The following KCNH5 variants were observed in gnomAD, a reference collection of about 807,000 sequenced individuals.
KCNH5 encodes potassium voltage-gated channel subfamily H member 5, also known as voltage-gated delayed rectifier potassium channel KCNH5.
In KCNH5, 46 loss-of-function variants were observed where a neutral mutation model predicts 96.1. That is an observed-to-expected ratio of 0.48 (90% confidence interval 0.38 to 0.61). KCNH5 has a LOEUF of 0.61. Ranked by LOEUF, KCNH5 falls within the 20% of genes least tolerant of loss-of-function variation. The probability of loss-of-function intolerance (pLI) is 0.00; values close to 1 mark genes in which losing one functional copy is unlikely to be tolerated. For missense variants in KCNH5, 907 were observed against 1,225.8 expected, an observed-to-expected ratio of 0.74 and a Z score of 3.88; for synonymous variants, 439 against 449.8, an observed-to-expected ratio of 0.98 and a Z score of 0.30.
rs548896858 is a variant in KCNH5 at position 62,873,603 on chromosome 14, G to A, written c.1370-23751C>T. Among the ~76,000 whole-genome samples, 64 of 152,238 alleles carry A rather than the reference G, an allele frequency of 4.2e-4. No homozygotes were observed. The East Asian group carries it at 5.4e-3, about 13-fold the overall frequency. On this transcript the variant is annotated intron_variant, in intron 7 of 10. Coordinates refer to ENST00000322893, the MANE Select transcript of KCNH5 (RefSeq NM_139318.5). ...TATCTAATGCTTTGAATTATATAGC[G>A]TTTGAAGGCATTTAAGAAATCAAAC...
intron 7 of KCNH5, among the ~76,000 whole-genome samples, chr14:62,941,114 C>A (rs1398479518): frequency 6.6e-6 from 1 of 152,068 alleles, no homozygotes; most frequent in Non-Finnish European, 1.5e-5. Context: ...TCTTAAATAC[C>A]AATGTATACC....
chr14:62,736,766 C>T (rs757008146), intron 10 of KCNH5, among the ~76,000 whole-genome samples: 4 of 152,158 alleles, frequency 2.6e-5, no homozygotes, highest in African/African-American at 4.8e-5. Flanking sequence ...GCCAGAAGTC[C>T]GTCTCAGGTT....
chr14:62,992,758 T>G (rs778576228), intron 4 of KCNH5, among the ~76,000 whole-genome samples: 1 of 152,068 alleles, frequency 6.6e-6, no homozygotes, highest in Admixed American at 6.6e-5. Flanking sequence ...TCTTCCCTTC[T>G]TCAGGTCATC....
intron 9 of KCNH5, among the ~76,000 whole-genome samples, chr14:62,780,605 T>C (rs1404963607): frequency 1.3e-5 from 2 of 152,194 alleles, no homozygotes; most frequent in African/African-American, 4.8e-5. Flanking sequence ...TCATCAAATG[T>C]AGACGTCTTT....
At chr14:62,878,312 C>T (rs998872482) in intron 7 of KCNH5, among the ~76,000 whole-genome samples, 27 of 151,598 alleles carry the variant, frequency 1.8e-4, no homozygotes, top group Admixed American at 6.6e-5. Flanking sequence ...CTAACCTGCA[C>T]ATGGTGCACA....
At chr14:62,750,577 C>T (rs1378262530) in intron 10 of KCNH5, among the ~76,000 whole-genome samples, 3 of 152,148 alleles carry the variant, frequency 2.0e-5, no homozygotes, top group African/African-American at 7.2e-5. Context: ...TCCTTTTTGA[C>T]GTCCTCTGCA....
intron 7 of KCNH5, among the ~76,000 whole-genome samples, chr14:62,858,962 G>C (rs1025351852): frequency 6.6e-6 from 1 of 152,154 alleles, no homozygotes; most frequent in Non-Finnish European, 1.5e-5. Context: ...CCATGAACAT[G>C]AGCCCACTGC....
chr14:63,025,903 C>A (rs956595484), intron 1 of KCNH5, among the ~76,000 whole-genome samples: 1 of 151,542 alleles, frequency 6.6e-6, no homozygotes, highest in Admixed American at 6.6e-5. Flanking sequence ...ACCCCAATAG[C>A]CAAAGTAATT....
At chr14:62,936,871 C>T (rs1889693104) in intron 7 of KCNH5, among the ~76,000 whole-genome samples, 1 of 151,398 alleles carries the variant, frequency 6.6e-6, no homozygotes, top group African/African-American at 2.4e-5. Flanking sequence ...ATCCCAGCTA[C>T]TCAGGAGGCT....
intron 8 of KCNH5, among the ~76,000 whole-genome samples, chr14:62,813,649 T>G (rs961551322): frequency 6.6e-6 from 1 of 152,160 alleles, no homozygotes; most frequent in African/African-American, 2.4e-5. Context: ...CCACCAAATC[T>G]CTCCTTCTTT....
intron 9 of KCNH5, among the ~76,000 whole-genome samples, chr14:62,800,495 T>C (rs1247535530): frequency 6.6e-6 from 1 of 152,138 alleles, no homozygotes; most frequent in Non-Finnish European, 1.5e-5. Flanking sequence ...GAAAAGGAGT[T>C]ACCCAAATGA....
In KCNH5 at chr14:62,908,926, T is replaced by G. The variant is rs573197997; in HGVS notation, c.1369+41207A>C. Among the ~76,000 whole-genome samples, 421 of 150,710 alleles carry G rather than the reference T, an allele frequency of 2.8e-3. 2 individuals carry two copies. Among genetic ancestry groups the G allele is most frequent in the African/African-American group, 9.8e-3 (401 of 41,114 alleles). ...GATGCTGACTCATTGACCTACTACCTGACCAGGTCCAAATGACTCTTTGAG... is the reference window on the plus strand; with the variant it reads ...GATGCTGACTCATTGACCTACTACCGGACCAGGTCCAAATGACTCTTTGAG... On this transcript the variant is annotated intron_variant, in intron 7 of 10. Transcript: ENST00000322893.
chr14:62,731,554 CCTGAATTCAT>C (rs374622551), intron 10 of KCNH5, among the ~76,000 whole-genome samples: 39 of 152,168 alleles, frequency 2.6e-4, no homozygotes, highest in African/African-American at 9.2e-4. Flanking sequence ...TTGAACCTCA[CCTGAATTCAT>C]CTGCCTTTTG....
chr14:62,913,537 T>C (rs930487024), intron 7 of KCNH5, among the ~76,000 whole-genome samples: 1 of 149,372 alleles, frequency 6.7e-6, no homozygotes, highest in Admixed American at 6.6e-5. Context: ...AAACTTTTTA[T>C]ATTTAGAGGT....
chr14:62,881,387 G>A (rs1037400519), intron 7 of KCNH5, among the ~76,000 whole-genome samples: 2 of 150,074 alleles, frequency 1.3e-5, no homozygotes, highest in African/African-American at 4.9e-5. Context: ...TATTTTTTCT[G>A]TTTTTGTTTA....
chr14:63,030,716 G>C (rs1891609479), intron 1 of KCNH5, among the ~76,000 whole-genome samples: 1 of 152,188 alleles, frequency 6.6e-6, no homozygotes, highest in Non-Finnish European at 1.5e-5. Flanking sequence ...CCAGGGTGGA[G>C]AAGCACTAAT....
chr14:63,040,114 C>T (rs1375954159), intron 1 of KCNH5, among the ~76,000 whole-genome samples: 2 of 152,074 alleles, frequency 1.3e-5, no homozygotes, highest in Non-Finnish European at 2.9e-5. Flanking sequence ...AAAAGATAAA[C>T]ACTGACTAAA....
chr14:62,965,689 T>C (rs1431793339), intron 6 of KCNH5, among the ~76,000 whole-genome samples: 1 of 152,112 alleles, frequency 6.6e-6, no homozygotes, highest in Middle Eastern at 3.2e-3. Context: ...AAATACACAG[T>C]CATTCATAAC....
chr14:62,900,697 G>A (rs1464786090), intron 7 of KCNH5, among the ~76,000 whole-genome samples: 1 of 151,838 alleles, frequency 6.6e-6, no homozygotes, highest in Non-Finnish European at 1.5e-5. Context: ...GAAATTTAAT[G>A]AAGGAAATCA....
Sources: gnomAD v4.1 joint callset for allele counts (sites outside exome capture counted in the v4.1 genomes callset) on GRCh38, gnomAD v4.1.1 for gene constraint, MANE v1.5 for transcripts, NCBI Gene and HGNC (gene_info 2026-07-23, HGNC 2026-07-21) for gene names.